Variants in DPH6 observed in about 807,000 individuals in gnomAD.
The protein encoded by DPH6 is diphthine--ammonia ligase.
In DPH6, 33 loss-of-function variants were observed where a neutral mutation model predicts 38.2. That is an observed-to-expected ratio of 0.86 (90% CI 0.65 to 1.15). DPH6 has a LOEUF of 1.15. Ranked by LOEUF, DPH6 falls within the 50% of genes most tolerant of loss-of-function variation. The pLI is 0.00. For synonymous variants in DPH6, 108 were observed against 103.0 expected (o/e 1.05, Z -0.30); for missense variants, 325 against 320.0 (o/e 1.02, Z -0.12).
At chr15:35,244,458 G>A (rs1353828333) in intron 3 of DPH6, among the ~76,000 whole-genome samples, 1 of 152,234 alleles carries the variant, frequency 6.6e-6, no homozygotes, top group Admixed American at 6.5e-5. Context: ...ACTGATTGAT[G>A]TGCTCGCTCT....
At chr15:35,502,705 A>C (rs2054642905) in intron 3 of DPH6, among the ~76,000 whole-genome samples, 1 of 151,776 alleles carries the variant, frequency 6.6e-6, no homozygotes, top group African/African-American at 2.4e-5. Flanking sequence ...TCTTGAAGCA[A>C]CTTATATGCA....
intron 5 of DPH6, among the ~76,000 whole-genome samples, chr15:35,443,157 C>CA (rs2053809362): frequency 6.6e-6 from 1 of 152,026 alleles, no homozygotes; most frequent in Non-Finnish European, 1.5e-5. Context: ...AAAGCACATA[C>CA]AAAAAATTCT....
In DPH6 at chr15:35,542,495, G is replaced by A. The variant is rs764601580; in HGVS notation, c.36C>T (p.Asp12=). Residue 12 remains aspartate, a synonymous_variant, in exon 2 of 9, where the codon GAC becomes GAT. Coordinates refer to ENST00000256538, the MANE Select transcript of DPH6 (RefSeq NM_080650.4). ...RVAALISGGK[D]SCYNMMQCIA... ...TGCACTGCATCATATTATAGCAGCT[G>A]TCCTTCCCACCACTAAACAATAAAT... 6 of 1,554,980 alleles carry A rather than the reference G, an allele frequency of 3.9e-6. No individual in the cohort carries two copies. Among genetic ancestry groups the A allele is most frequent in the Non-Finnish European group, 5.3e-6 (6 of 1,135,218 alleles).
intron 6 of DPH6, among the ~76,000 whole-genome samples, chr15:35,386,171 A>G (rs2052953012): frequency 6.6e-6 from 1 of 152,214 alleles, no homozygotes; most frequent in Non-Finnish European, 1.5e-5. Flanking sequence ...TACAAAGGAC[A>G]TGAACTCATC....
At chr15:35,312,780 C>T (rs143884446) in intron 3 of DPH6, among the ~76,000 whole-genome samples, 1 of 152,284 alleles carries the variant, frequency 6.6e-6, no homozygotes, top group Non-Finnish European at 1.5e-5. Context: ...AGAGACTGTC[C>T]TTTCCTCATT....
intron 6 of DPH6, among the ~76,000 whole-genome samples, chr15:35,391,887 C>T (rs62002899): frequency 0.12 from 17,652 of 152,140 alleles, 1,115 homozygotes; most frequent in Middle Eastern, 0.23. Flanking sequence ...GAGAGGAACC[C>T]GGTACCTCAT....
At chr15:35,481,091 T>C (rs2054320894) in intron 3 of DPH6, among the ~76,000 whole-genome samples, 1 of 152,192 alleles carries the variant, frequency 6.6e-6, no homozygotes, top group Non-Finnish European at 1.5e-5. Context: ...AGATAACTAC[T>C]ACCCACATGT....
chr15:35,233,642 C>T (rs1309301721), intron 3 of DPH6, among the ~76,000 whole-genome samples: 1 of 152,174 alleles, frequency 6.6e-6, no homozygotes, highest in African/African-American at 2.4e-5. Context: ...TTGAAGTTCA[C>T]CTCAAGCCAA....
At chr15:35,317,437 A>AAG (rs1433460062) in intron 3 of DPH6, among the ~76,000 whole-genome samples, 1 of 151,204 alleles carries the variant, frequency 6.6e-6, no homozygotes, top group Admixed American at 6.6e-5. Context: ...GGGAGGAAGA[A>AAG]AGAGAGAGAG....
At chr15:35,239,909 A>C (rs1264905327) in intron 3 of DPH6, among the ~76,000 whole-genome samples, 2 of 139,388 alleles carry the variant, frequency 1.4e-5, no homozygotes, top group Non-Finnish European at 3.1e-5. Flanking sequence ...TCCGCGCCCT[A>C]ACCTCTTATC....
intron 3 of DPH6, among the ~76,000 whole-genome samples, chr15:35,357,051 C>A (rs1231081530): frequency 6.6e-6 from 1 of 152,172 alleles, no homozygotes; most frequent in Non-Finnish European, 1.5e-5. Context: ...TAGCAATGAG[C>A]GAGGCTCCGT....
At chr15:35,455,008 A>G (rs1480718002) in intron 3 of DPH6, among the ~76,000 whole-genome samples, 188 bp from the exon 4 acceptor site, 1 of 152,156 alleles carries the variant, frequency 6.6e-6, no homozygotes, top group East Asian at 1.9e-4. Flanking sequence ...CAGCTGTGAG[A>G]AAAATAATTA....
intron 6 of DPH6, among the ~76,000 whole-genome samples, chr15:35,391,866 C>T (rs981481636): frequency 5.9e-5 from 9 of 152,208 alleles, no homozygotes; most frequent in African/African-American, 2.2e-4. Flanking sequence ...CGCTGTCCGG[C>T]ACTCCTCAGT....
intron 3 of DPH6, among the ~76,000 whole-genome samples, chr15:35,245,027 T>G (rs2051626469): frequency 6.6e-6 from 1 of 152,090 alleles, no homozygotes; most frequent in Non-Finnish European, 1.5e-5. Flanking sequence ...ACGAAAGTCA[T>G]TACACTTTTA....
intron 3 of DPH6, among the ~76,000 whole-genome samples, chr15:35,284,657 T>C (rs1051031648): frequency 6.6e-6 from 1 of 151,104 alleles, no homozygotes; most frequent in African/African-American, 2.4e-5. Flanking sequence ...GAAGAAATAC[T>C]TCCTTTCCCT....
chr15:35,434,516 G>T (rs1254349840), intron 5 of DPH6, among the ~76,000 whole-genome samples: 3 of 152,054 alleles, frequency 2.0e-5, no homozygotes, highest in African/African-American at 7.2e-5. Context: ...AGTAAAAACA[G>T]TTAAACTTTT....
chr15:35,310,818 G>A (rs1318947208), intron 3 of DPH6, among the ~76,000 whole-genome samples: 7 of 151,894 alleles, frequency 4.6e-5, no homozygotes, highest in Admixed American at 2.0e-4. Context: ...GGGAGGTCGA[G>A]GTTGGTGGAT....
At chr15:35,370,493 T>G (rs2052701863), downstream of DPH6, among the ~76,000 whole-genome samples, 1 of 151,606 alleles carries the variant, frequency 6.6e-6, no homozygotes, top group Non-Finnish European at 1.5e-5. Flanking sequence ...AACTCAATAA[T>G]AAGACAAAAA....
chr15:35,231,362 C>T (rs113858968), intron 3 of DPH6, among the ~76,000 whole-genome samples: 383 of 152,356 alleles, frequency 2.5e-3, no homozygotes, highest in African/African-American at 8.9e-3. Flanking sequence ...ATTCTCTGCA[C>T]CATGCTGCTG....
Sources: allele counts gnomAD v4.1 joint callset (sites outside exome capture counted in the v4.1 genomes callset), GRCh38; gene constraint gnomAD v4.1.1; transcripts MANE v1.5; gene names NCBI Gene and HGNC (gene_info 2026-07-23, HGNC 2026-07-21).